TRIO: variants seen among roughly 807,000 people sequenced by gnomAD.
The protein encoded by TRIO is trio Rho guanine nucleotide exchange factor.
TRIO carries 58 observed loss-of-function variants against 351.9 expected under a neutral mutation model. The observed-to-expected ratio is 0.16, with a 90% confidence interval of 0.13 to 0.21. The LOEUF (loss-of-function observed/expected upper bound fraction) is 0.21. Among genes scored for constraint, TRIO ranks in the 10% least tolerant of loss-of-function variants. TRIO has a pLI of 1.00. For synonymous variants in TRIO, 1,758 were observed against 1,595.7 expected (o/e 1.10, Z -2.42); for missense variants, 3,201 against 4,027.8 (o/e 0.79, Z 5.56).
At chr5:14,480,208 G>A (rs1221374181) in intron 43 of TRIO, among the ~76,000 whole-genome samples, 197 bp downstream of exon 43, 1 of 152,136 alleles carries the variant, frequency 6.6e-6, no homozygotes, top group Non-Finnish European at 1.5e-5. Context: ...TCTGGTGTCA[G>A]GAGTGAGTTT....
intron 27 of TRIO, among the ~76,000 whole-genome samples, chr5:14,392,064 C>T (rs1425502625): frequency 6.6e-6 from 1 of 152,148 alleles, no homozygotes. Flanking sequence ...AGTGAGGGCA[C>T]ATAGCACATT....
In TRIO at chr5:14,487,975, C is replaced by CCGGG; in HGVS notation, c.7349_7352dup (p.Ala2453ArgfsTer73). 1 of 1,554,094 alleles carries CCGGG rather than the reference C, an allele frequency of 6.4e-7. No homozygotes were observed. The highest frequency in any genetic ancestry group is 8.7e-7 in the Non-Finnish European group (1 of 1,149,848). The stretch of plus-strand genomic sequence containing the variant: ...TGGGCACCCTGCCGCTTGGGAAGCC[C>CCGGG]CGGGCCGGGGCCGCTTCGCCGCTGA... On this transcript the variant is annotated frameshift_variant, in exon 48 of 57. Coordinates refer to ENST00000344204, the MANE Select transcript of TRIO (RefSeq NM_007118.4). LOFTEE classifies it high-confidence loss of function.
chr5:14,348,683 A>G (rs113632271), intron 11 of TRIO, among the ~76,000 whole-genome samples: 2 of 144,048 alleles, frequency 1.4e-5, no homozygotes, highest in South Asian at 2.1e-4. Context: ...GTGTACGCAC[A>G]TGAGCATGTT....
intron 54 of TRIO, 113 bp from the exon 55 acceptor site, chr5:14,504,280 G>T: frequency 8.6e-7 from 1 of 1,166,406 alleles, no homozygotes; most frequent in East Asian, 2.4e-5. Flanking sequence ...GGAGAGCAGG[G>T]CCTCTGGACA....
At chr5:14,472,697 C>T (rs1017638645) in intron 39 of TRIO, 39 bp downstream of exon 39, 16 of 1,606,268 alleles carry the variant, frequency 1.0e-5, no homozygotes, top group Non-Finnish European at 1.4e-5. Context: ...CGTATCAGTT[C>T]CAAGAGTTGT....
chr5:14,388,424 G>A (rs1746741020), intron 23 of TRIO, among the ~76,000 whole-genome samples, 189 bp from the exon 24 acceptor site: 1 of 152,204 alleles, frequency 6.6e-6, no homozygotes, highest in Non-Finnish European at 1.5e-5. Context: ...AGTAAAGTGT[G>A]TGCAGAAATC....
intron 48 of TRIO, chr5:14,490,689 G>A (rs1456917004): frequency 1.2e-5 from 5 of 414,370 alleles, no homozygotes; most frequent in Non-Finnish European, 1.9e-5. Flanking sequence ...TGAGAATTAA[G>A]CAGGATAGAC....
At chr5:14,505,964 C>T (rs994583929) in intron 55 of TRIO, among the ~76,000 whole-genome samples, 5 of 152,224 alleles carry the variant, frequency 3.3e-5, no homozygotes, top group African/African-American at 1.2e-4. Flanking sequence ...CGGCTCATTT[C>T]TCACCCTGGT....
In TRIO at chr5:14,492,611, A is replaced by G; in HGVS notation, c.7677A>G (p.Thr2559=). The change falls in exon 49 of 57, where the codon ACA becomes ACG. Residue 2559 remains threonine, a synonymous_variant. Transcript: ENST00000344204. ...GCAACATCTCCACCATGTTGGTGAC[A>G]CACGATTACACGGCAGTGAAGGAGG... ...SSSNISTMLV[T]HDYTAVKEDE... The G allele has an allele frequency of 6.2e-7, 1 of 1,614,222 alleles. No individual in the cohort carries two copies. Among genetic ancestry groups the G allele is most frequent in the Non-Finnish European group, 8.5e-7 (1 of 1,180,044 alleles).
At position 14,497,927 on chromosome 5, in the gene TRIO, G is replaced by T; in HGVS notation, c.8047+53G>T. Reference sequence around the variant, plus strand: ...CTAGAGATGATTCTAGACCTGTGGGGCATGTTTCAGAGCACTTGAGTGTGG... The same window carrying T: ...CTAGAGATGATTCTAGACCTGTGGGTCATGTTTCAGAGCACTTGAGTGTGG... On this transcript the variant is annotated intron_variant, in intron 51 of 56. Transcript: ENST00000344204. The surrounding 1 kb of genome is among the most constrained non-coding windows in gnomAD (Gnocchi z 4.4). 1 of 1,613,046 alleles carries T rather than the reference G, an allele frequency of 6.2e-7. No individual in the cohort carries two copies. The highest frequency in any genetic ancestry group is 1.3e-5 in the African/African-American group (1 of 74,986).
chr5:14,497,022 G>T lies in TRIO; in HGVS notation c.8019+5G>T, dbSNP rs1033261940. 8 of 1,614,020 alleles carry T rather than the reference G, an allele frequency of 5.0e-6. No individual in the cohort carries two copies. Among genetic ancestry groups the T allele is most frequent in the South Asian group, 2.2e-5 (2 of 91,062 alleles). ...AGCAACAAGGTATCTGTGAAGGTGT[G>T]TTCGGGGGTCTTCAGGAGTCCGTGT... On this transcript the variant is annotated splice_donor_5th_base_variant and intron_variant, in intron 50 of 56. Transcript: ENST00000344204. The surrounding 1 kb of genome is among the most constrained non-coding windows in gnomAD (Gnocchi z 4.4).
At chr5:14,414,053 AC>A (rs1233057543) in intron 33 of TRIO, among the ~76,000 whole-genome samples, 18 of 152,354 alleles carry the variant, frequency 1.2e-4, no homozygotes, top group African/African-American at 4.3e-4. Context: ...CTCAGGAAAT[AC>A]AGCCAACAGG....
rs138463292 is a variant in TRIO, at chr5:14,262,857, A to G, written c.158-7968A>G. ...GTTGGATGTTCAGGGGGGCATGGCT[A>G]TCCTATAGGCATGTGGGTGCCTCTT... On this transcript the variant is annotated intron_variant, in intron 1 of 56. Coordinates refer to ENST00000344204, the MANE Select transcript of TRIO (RefSeq NM_007118.4). Among the ~76,000 whole-genome samples the G allele has an allele frequency of 6.7e-3, 1,022 of 152,168 alleles. 11 individuals are homozygous for G. Among genetic ancestry groups the G allele is most frequent in the African/African-American group, 0.023 (964 of 41,498 alleles).
chr5:14,243,571 A>G (rs1364207402), intron 1 of TRIO, among the ~76,000 whole-genome samples: 1 of 152,192 alleles, frequency 6.6e-6, no homozygotes, highest in Non-Finnish European at 1.5e-5. Context: ...ACAAAACATA[A>G]TATCTTATAA....
At chr5:14,358,447 TC>T in intron 12 of TRIO, 100 bp downstream of exon 12, 1 of 1,406,456 alleles carries the variant, frequency 7.1e-7, no homozygotes, top group Non-Finnish European at 9.8e-7. Context: ...TGCTTCTCTG[TC>T]CAGCTGAGTG....
intron 1 of TRIO, among the ~76,000 whole-genome samples, chr5:14,206,180 C>T (rs2152182594): frequency 6.6e-6 from 1 of 152,352 alleles, no homozygotes; most frequent in East Asian, 1.9e-4. Flanking sequence ...TCCACCTCAG[C>T]CTCCTGTGTA....
At chr5:14,249,247 T>C (rs769623322) in intron 1 of TRIO, among the ~76,000 whole-genome samples, 10 of 152,256 alleles carry the variant, frequency 6.6e-5, no homozygotes, top group Admixed American at 3.9e-4. Context: ...CTGATTTAGT[T>C]GATTTCTGAG....
chr5:14,460,022 TCTC>T (rs1220367567), intron 34 of TRIO, among the ~76,000 whole-genome samples: 5 of 152,052 alleles, frequency 3.3e-5, no homozygotes, highest in African/African-American at 9.7e-5. Context: ...TTCACACCAT[TCTC>T]CTGCCTCAGC....
At chr5:14,438,116 G>A (rs967983078) in intron 34 of TRIO, among the ~76,000 whole-genome samples, 5 of 152,122 alleles carry the variant, frequency 3.3e-5, no homozygotes, top group African/African-American at 7.2e-5. Flanking sequence ...CACAAACTCC[G>A]TTAAATTTCT....
Sources: gnomAD v4.1 joint callset for allele counts (sites outside exome capture counted in the v4.1 genomes callset) on GRCh38, gnomAD v4.1.1 for gene constraint, Gnocchi (gnomAD v3.1) non-coding constraint, MANE v1.5 for transcripts, NCBI Gene and HGNC (gene_info 2026-07-23, HGNC 2026-07-21) for gene names.